The following ZMYM4 variants were observed in gnomAD, a reference collection of about 807,000 sequenced individuals.
The protein encoded by ZMYM4 is zinc finger MYM-type containing 4.
In ZMYM4, 31 loss-of-function variants were observed where a neutral mutation model predicts 183.2. The ratio of observed to expected loss-of-function variants is 0.17; its 90% CI spans 0.13 to 0.23. The LOEUF is 0.23. ZMYM4 is among the 10% of genes least tolerant of loss of function. The pLI, the probability that ZMYM4 is intolerant of heterozygous loss-of-function variation, is 1.00. For missense variants in ZMYM4, 1,273 were observed against 1,840.3 expected (o/e 0.69, Z 5.64); for synonymous variants, 592 against 631.2 (o/e 0.94, Z 0.93).
At chr1:35,355,400 G>A (rs1017826851) in intron 2 of ZMYM4, among the ~76,000 whole-genome samples, 2 of 151,806 alleles carry the variant, frequency 1.3e-5, no homozygotes, top group Non-Finnish European at 2.9e-5. Context: ...CTGTGTGAAC[G>A]TGATATCTCG....
chr1:35,297,267 C>T lies in ZMYM4; in HGVS notation c.40-28093C>T, dbSNP rs531850985. Reference sequence around the variant, plus strand: ...TCAACTAATTTTGTAATTCAGTTTGCACAATTAAATTTTGCATTTGATTTT... The same window carrying T: ...TCAACTAATTTTGTAATTCAGTTTGTACAATTAAATTTTGCATTTGATTTT... On this transcript the variant is annotated intron_variant, in intron 1 of 29. Transcript: ENST00000314607. Among the ~76,000 whole-genome samples, 4 of 151,980 alleles carry T rather than the reference C, an allele frequency of 2.6e-5. No individual in the cohort carries two copies. In the South Asian group the frequency reaches 8.3e-4, roughly 32 times the overall value.
intron 9 of ZMYM4, among the ~76,000 whole-genome samples, chr1:35,384,910 C>A (rs1478332073): frequency 6.9e-6 from 1 of 143,906 alleles, no homozygotes; most frequent in Non-Finnish European, 1.5e-5. Flanking sequence ...GTGGCACGAT[C>A]TCAGCTCGCT....
At position 35,409,225 on chromosome 1, in the gene ZMYM4, C is replaced by T. The variant is rs115464137; in HGVS notation, c.3948+1066C>T. On this transcript the variant is annotated intron_variant, in intron 26 of 29. Transcript: ENST00000314607. ...TTCTGCCTTTTGGTGATTGTGAATACGCTGCTGTGAACATTCATGTACAGG... is the reference window on the plus strand; with the variant it reads ...TTCTGCCTTTTGGTGATTGTGAATATGCTGCTGTGAACATTCATGTACAGG... 7.7e-4 allele frequency among the ~76,000 whole-genome samples: 118 copies of T among 152,312 alleles called. 1 individual carries two copies. The highest frequency in any genetic ancestry group is 2.5e-3 in the African/African-American group (103 of 41,570).
intron 2 of ZMYM4, among the ~76,000 whole-genome samples, chr1:35,349,578 A>G (rs1476829831): frequency 6.6e-6 from 1 of 152,128 alleles, no homozygotes; most frequent in Non-Finnish European, 1.5e-5. Context: ...CTGTAATCCT[A>G]GCACTTTGGG....
intron 7 of ZMYM4, among the ~76,000 whole-genome samples, chr1:35,374,391 T>C (rs1369393864): frequency 6.6e-6 from 1 of 152,156 alleles, no homozygotes; most frequent in Non-Finnish European, 1.5e-5. Context: ...TTATAGTTTT[T>C]TTTCTGTTTA....
chr1:35,384,485 A>G (rs1273940683), intron 9 of ZMYM4, among the ~76,000 whole-genome samples: 2 of 152,172 alleles, frequency 1.3e-5, no homozygotes, highest in African/African-American at 4.8e-5. Context: ...AATACTTAGC[A>G]TTATTTGCTG....
intron 1 of ZMYM4, among the ~76,000 whole-genome samples, chr1:35,313,390 C>CTTTTTTT (rs36112055): frequency 1.2e-3 from 154 of 131,446 alleles, no homozygotes; most frequent in Non-Finnish European, 1.9e-3. Flanking sequence ...TTTTCTTTTT[C>CTTTTTTT]TTTTTTTTTT....
chr1:35,332,925 T>C (rs886148033), intron 2 of ZMYM4, among the ~76,000 whole-genome samples: 4 of 152,136 alleles, frequency 2.6e-5, no homozygotes, highest in African/African-American at 9.7e-5. Flanking sequence ...CATCATCTTT[T>C]CTGACCTAGC....
Position 35,418,699 on chromosome 1 carries a change from T to C in ZMYM4, c.4439+127T>C. ...AGACAAGGATTTACCATGAATTTTT[T>C]CCCCATTGTCATATCTATGTGGATT... On this transcript the variant is annotated intron_variant, in intron 29 of 29. Coordinates refer to ENST00000314607, the MANE Select transcript of ZMYM4 (RefSeq NM_005095.3). 4.2e-6 allele frequency: 5 copies of C among 1,188,702 alleles called. No individual in the cohort carries two copies. In the South Asian group the frequency reaches 7.1e-5, roughly 17 times the overall value. The allele number at this position is 1,188,702 out of a possible 1,614,324, so 73.6% of individuals were successfully genotyped here.
intron 1 of ZMYM4, among the ~76,000 whole-genome samples, chr1:35,301,265 G>A (rs982693802): frequency 2.0e-5 from 3 of 152,116 alleles, no homozygotes; most frequent in Non-Finnish European, 4.4e-5. Context: ...TTTCCTTCTG[G>A]GCTGAGTGTG....
At chr1:35,330,311 A>T (rs1642683010) in intron 2 of ZMYM4, among the ~76,000 whole-genome samples, 1 of 152,162 alleles carries the variant, frequency 6.6e-6, no homozygotes, top group Non-Finnish European at 1.5e-5. Context: ...ATATAAAAGA[A>T]GCCCAGATGA....
chr1:35,403,823 G>C (rs1558181297), intron 23 of ZMYM4, among the ~76,000 whole-genome samples: 1 of 152,150 alleles, frequency 6.6e-6, no homozygotes, highest in Non-Finnish European at 1.5e-5. Context: ...TCTGGGAATA[G>C]AGTTTTTGTG....
At chr1:35,318,054 G>GT (rs58071694) in intron 1 of ZMYM4, among the ~76,000 whole-genome samples, 14,429 of 116,540 alleles carry the variant, frequency 0.12, 1,729 homozygotes, top group African/African-American at 0.26. Context: ...GATTATGGCA[G>GT]TTTTTTTTTT....
intron 1 of ZMYM4, among the ~76,000 whole-genome samples, chr1:35,311,690 A>G (rs1195554868): frequency 6.6e-6 from 1 of 152,118 alleles, no homozygotes; most frequent in African/African-American, 2.4e-5. Flanking sequence ...GTTTCCATAT[A>G]TGTATATATT....
Position 35,268,879 on chromosome 1 carries a change from G to T in ZMYM4, c.-168G>T. The T allele has an allele frequency of 1.5e-6, 1 of 664,558 alleles. No individual in the cohort carries two copies. Among genetic ancestry groups the T allele is most frequent in the East Asian group, 3.9e-5 (1 of 25,778 alleles). The allele number at this position is 664,558 out of a possible 1,614,324, so 41.2% of individuals were successfully genotyped here. ...GACCCGTGGGATCTCAGAAGCTGCG[G>T]CCCGGCGCGCGGCATCCGCCCCCTC... On this transcript the variant is annotated 5_prime_UTR_variant, in exon 1 of 30. Coordinates refer to ENST00000314607, the MANE Select transcript of ZMYM4 (RefSeq NM_005095.3).
At chr1:35,391,040 TTAAAA>T (rs765617905) in intron 15 of ZMYM4, among the ~76,000 whole-genome samples, 8 of 152,002 alleles carry the variant, frequency 5.3e-5, no homozygotes, top group South Asian at 2.1e-4. Flanking sequence ...CTCTAAAAAA[TTAAAA>T]TAAAATAAAA....
chr1:35,406,285 C>T (rs543299935), intron 25 of ZMYM4, among the ~76,000 whole-genome samples: 2 of 152,126 alleles, frequency 1.3e-5, no homozygotes, highest in Non-Finnish European at 2.9e-5. Flanking sequence ...AATCTGTCTG[C>T]TCCAAAGCTA....
At chr1:35,298,536 T>C (rs1281688204) in intron 1 of ZMYM4, among the ~76,000 whole-genome samples, 1 of 152,144 alleles carries the variant, frequency 6.6e-6, no homozygotes, top group Non-Finnish European at 1.5e-5. Flanking sequence ...GTAGGTGCTT[T>C]CTGGAGTGCT....
chr1:35,357,457 G>A (rs1274241849), intron 2 of ZMYM4, among the ~76,000 whole-genome samples: 2 of 152,196 alleles, frequency 1.3e-5, no homozygotes, highest in African/African-American at 2.4e-5. Flanking sequence ...TAGGCATAGA[G>A]TTTATAAGGG....
Sources: gnomAD v4.1 joint callset for allele counts (sites outside exome capture counted in the v4.1 genomes callset) on GRCh38, gnomAD v4.1.1 for gene constraint, MANE v1.5 for transcripts, NCBI Gene and HGNC (gene_info 2026-07-23, HGNC 2026-07-21) for gene names.